Variants in C3orf52 observed in about 807,000 individuals in gnomAD.
C3orf52 encodes the protein chromosome 3 open reading frame 52.
A neutral mutation model predicts 24.8 loss-of-function variants in C3orf52; 22 were observed. The observed-to-expected ratio is 0.89, with a 90% CI of 0.63 to 1.27. The LOEUF is 1.27. C3orf52 is among the 50% of genes most tolerant of loss of function. C3orf52 has a pLI of 0.00. For synonymous variants in C3orf52, 93 were observed against 100.2 expected (o/e 0.93, Z 0.43); for missense variants, 265 against 260.7 (o/e 1.02, Z -0.11).
chr3:112,113,062 G>C lies in C3orf52; in HGVS notation c.566G>C (p.Gly189Ala), dbSNP rs111954756. ...ATGATGAGTGAGGAGTTGGTGCTGG[G>C]CATTTTGCTACAGGATTTCCGTGAT... Reference protein sequence around the residue: ...KYMMSEELVLGILLQDFRDQN... With the variant: ...KYMMSEELVLAILLQDFRDQN... Residue 189 changes from glycine to alanine, a missense_variant, in exon 5 of 6, where the codon GGC (glycine) becomes GCC (alanine). Physicochemically the swap from Gly to Ala is moderately conservative, Grantham distance 60. Coordinates refer to ENST00000264848, the MANE Select transcript of C3orf52 (RefSeq NM_024616.3). 2,080 of 1,610,188 alleles carry C rather than the reference G, an allele frequency of 1.3e-3. 18 individuals are homozygous for C. The African/African-American group carries it at 0.023, about 18-fold the overall frequency.
At chr3:112,116,076 G>A (rs888936004) in intron 5 of C3orf52, among the ~76,000 whole-genome samples, 1 of 152,150 alleles carries the variant, frequency 6.6e-6, no homozygotes, top group South Asian at 2.1e-4. Flanking sequence ...GGGAAAAAGG[G>A]CAAAACCAGG....
rs1215484819 is a variant in C3orf52 at position 112,112,952 on chromosome 3, A to T, written c.468-12A>T. 3 of 1,600,510 alleles carry T rather than the reference A, an allele frequency of 1.9e-6. No homozygotes were observed. Among genetic ancestry groups the T allele is most frequent in the Non-Finnish European group, 2.6e-6 (3 of 1,172,204 alleles). On this transcript the variant is annotated splice_polypyrimidine_tract_variant and intron_variant, in intron 4 of 5. Coordinates refer to ENST00000264848, the MANE Select transcript of C3orf52 (RefSeq NM_024616.3). ...TGCTGTTTATGTTTTAATGTCTTCCATTGCCTTTCAGTGGTGAAAATGCCA... is the reference window on the plus strand; with the variant it reads ...TGCTGTTTATGTTTTAATGTCTTCCTTTGCCTTTCAGTGGTGAAAATGCCA...
At chr3:112,103,348 G>T (rs556325701) in intron 3 of C3orf52, among the ~76,000 whole-genome samples, 1 of 152,242 alleles carries the variant, frequency 6.6e-6, no homozygotes, top group East Asian at 1.9e-4. Flanking sequence ...ACATGCACAT[G>T]TATTCTCCTG....
At chr3:112,126,968 T>G (rs1019029519) in intron 4 of C3orf52, 2 of 1,529,146 alleles carry the variant, frequency 1.3e-6, no homozygotes, top group African/African-American at 2.7e-5. Flanking sequence ...GTGAAAATAC[T>G]AGGAAATCAA....
chr3:112,094,352 A>G (rs139238893), intron 2 of C3orf52, among the ~76,000 whole-genome samples: 7 of 152,348 alleles, frequency 4.6e-5, no homozygotes, highest in Non-Finnish European at 7.3e-5. Flanking sequence ...ATGTGTGTAT[A>G]AAACAAAAAA....
Position 112,117,049 on chromosome 3 carries a change from C to T in C3orf52, c.*403C>T. ...CACTGCTATTCTTGAAGCACTCCAC[C>T]CACCTGGGCTACTTTTTCTTTAGTG... On this transcript the variant is annotated 3_prime_UTR_variant, in exon 6 of 6. Transcript: ENST00000264848. The T allele has an allele frequency of 5.8e-6, 5 of 865,744 alleles. No individual in the cohort carries two copies. The South Asian group carries it at 6.9e-5, about 12-fold the overall frequency. The allele number at this position is 865,744 out of a possible 1,614,324, so 53.6% of individuals were successfully genotyped here.
downstream of C3orf52, chr3:112,120,915 AT>A (rs1190151479): frequency 1.3e-5 from 2 of 152,140 alleles, no homozygotes; most frequent in South Asian, 2.1e-4. Context: ...TCATATCAGA[AT>A]TTTTTAACTC....
intron 4 of C3orf52, among the ~76,000 whole-genome samples, chr3:112,110,602 G>A (rs1444676552): frequency 2.0e-5 from 3 of 152,146 alleles, no homozygotes; most frequent in Non-Finnish European, 4.4e-5. Context: ...TTCTTGAGAT[G>A]TAGGCATCAG....
chr3:112,091,861 G>A (rs967852816), intron 1 of C3orf52, among the ~76,000 whole-genome samples: 2 of 152,066 alleles, frequency 1.3e-5, no homozygotes, highest in Non-Finnish European at 2.9e-5. Flanking sequence ...AAAATTAGCC[G>A]GGCGTGGTGG....
intron 4 of C3orf52, among the ~76,000 whole-genome samples, chr3:112,110,683 A>G (rs2074071559): frequency 1.3e-5 from 2 of 152,238 alleles, no homozygotes; most frequent in South Asian, 4.1e-4. Context: ...CTTAAAATTT[A>G]TATCAAAGCT....
At chr3:112,093,289 C>A (rs2073895653) in intron 1 of C3orf52, 71 bp from the exon 2 acceptor site, 2 of 1,529,514 alleles carry the variant, frequency 1.3e-6, no homozygotes, top group Non-Finnish European at 1.8e-6. Context: ...GTGTCTCTGG[C>A]ACATCCTAGG....
At chr3:112,088,805 TTAAG>T (rs1170839994) in intron 1 of C3orf52, among the ~76,000 whole-genome samples, 1 of 152,198 alleles carries the variant, frequency 6.6e-6, no homozygotes, top group Non-Finnish European at 1.5e-5. Context: ...ATTAGGCAAT[TTAAG>T]TGAGCTAGGA....
At chr3:112,130,388 C>T (rs2074424726), downstream of C3orf52, 9 of 1,400,018 alleles carry the variant, frequency 6.4e-6, no homozygotes, top group South Asian at 9.2e-5. Flanking sequence ...CAGGGCTTGA[C>T]ATACTTCGTT....
chr3:112,114,120 G>A (rs2074112050), intron 5 of C3orf52, among the ~76,000 whole-genome samples: 2 of 152,156 alleles, frequency 1.3e-5, no homozygotes, highest in African/African-American at 2.4e-5. Context: ...ATGGAACAGG[G>A]GGTTAAAAGC....
chr3:112,124,435 C>G (rs1018697234), intron 4 of C3orf52, among the ~76,000 whole-genome samples: 1 of 152,012 alleles, frequency 6.6e-6, no homozygotes, highest in South Asian at 2.1e-4. Context: ...ATGGTGAAAC[C>G]CCATTTCTAC....
At position 112,117,152 on chromosome 3, in the gene C3orf52, T is replaced by G. The variant is rs909052011; in HGVS notation, c.*506T>G. 4 of 567,782 alleles carry G rather than the reference T, an allele frequency of 7.0e-6. No individual in the cohort carries two copies. Among genetic ancestry groups the G allele is most frequent in the South Asian group, 2.5e-5 (1 of 39,966 alleles). 35.2% of individuals were successfully genotyped at this position (567,782 alleles called of 1,614,324 possible). A position where few individuals can be genotyped will look rare whatever the true frequency, so the allele number is the denominator to read the frequency against. On this transcript the variant is annotated 3_prime_UTR_variant, in exon 6 of 6. Transcript: ENST00000264848. ...AGCACGGAGAGGCAGGCAGCCAGGT[T>G]ACGAAGACTAAGCCAATTATTCACT...
At chr3:112,111,079 C>T (rs559469383) in intron 4 of C3orf52, among the ~76,000 whole-genome samples, 7 of 152,108 alleles carry the variant, frequency 4.6e-5, no homozygotes, top group Non-Finnish European at 1.0e-4. Context: ...CGTGGTGGCG[C>T]GTGCCTGTAA....
At chr3:112,097,834 A>G (rs1208690904) in intron 2 of C3orf52, among the ~76,000 whole-genome samples, 2 of 152,212 alleles carry the variant, frequency 1.3e-5, no homozygotes, top group Non-Finnish European at 2.9e-5. Context: ...CCTCTGACCC[A>G]GAGATCTTCA....
rs531399115 is a variant in C3orf52 at position 112,098,747 on chromosome 3, C to T, written c.269-4091C>T. ...ACATTTGCTGTCTGGTGAGGGCACACTTTTTATTTCGTAGATCATGCCTTC... is the reference window on the plus strand; with the variant it reads ...ACATTTGCTGTCTGGTGAGGGCACATTTTTTATTTCGTAGATCATGCCTTC... On this transcript the variant is annotated intron_variant, in intron 2 of 5. Transcript: ENST00000264848. Among the ~76,000 whole-genome samples, 4 of 152,262 alleles carry T rather than the reference C, an allele frequency of 2.6e-5. No individual in the cohort carries two copies. The South Asian group carries it at 6.2e-4, about 24-fold the overall frequency.
Sources: allele counts gnomAD v4.1 joint callset (sites outside exome capture counted in the v4.1 genomes callset), GRCh38; gene constraint gnomAD v4.1.1; transcripts MANE v1.5; gene names NCBI Gene and HGNC (gene_info 2026-07-23, HGNC 2026-07-21).